Variants in ARHGEF12 observed in about 807,000 individuals in gnomAD.
ARHGEF12 encodes the protein Rho guanine nucleotide exchange factor 12.
In ARHGEF12, 66 loss-of-function variants were observed where a neutral mutation model predicts 211.2. The ratio of observed to expected loss-of-function variants is 0.31; its 90% CI spans 0.26 to 0.38. ARHGEF12 has a LOEUF of 0.38. Among genes scored for constraint, ARHGEF12 ranks in the 10% least tolerant of loss-of-function variants. The pLI is 1.00. For synonymous variants in ARHGEF12, 592 were observed against 638.4 expected, an observed-to-expected ratio of 0.93 and a Z score of 1.09; for missense variants, 1,429 against 1,869.5, an observed-to-expected ratio of 0.76 and a Z score of 4.34.
chr11:120,420,051 AAC>A (rs142754572), intron 4 of ARHGEF12, among the ~76,000 whole-genome samples: 4,170 of 152,282 alleles, frequency 0.027, 101 homozygotes, highest in Non-Finnish European at 0.032. Context: ...GTTTAGAAGA[AAC>A]ACAAATTCTC....
At chr11:120,381,365 C>T (rs1348135363) in intron 1 of ARHGEF12, among the ~76,000 whole-genome samples, 1 of 152,140 alleles carries the variant, frequency 6.6e-6, no homozygotes, top group Non-Finnish European at 1.5e-5. Flanking sequence ...AAACCTGGCT[C>T]CAGCCACCCC....
At chr11:120,399,380 A>C (rs1313310717) in intron 1 of ARHGEF12, among the ~76,000 whole-genome samples, 2 of 145,298 alleles carry the variant, frequency 1.4e-5, no homozygotes, top group African/African-American at 5.0e-5. Context: ...ATCTATGTCT[A>C]GTTAATTCGA....
At chr11:120,451,769 AAAAC>A in intron 22 of ARHGEF12, 45 bp downstream of exon 22, 1 of 1,543,724 alleles carries the variant, frequency 6.5e-7, no homozygotes, top group Non-Finnish European at 8.9e-7. Context: ...TCAAGATTTT[AAAAC>A]AAACACACTA....
At chr11:120,369,737 G>T (rs1943536129) in intron 1 of ARHGEF12, among the ~76,000 whole-genome samples, 1 of 152,200 alleles carries the variant, frequency 6.6e-6, no homozygotes, top group African/African-American at 2.4e-5. Context: ...CAATGTAGCT[G>T]CAACATCTGA....
intron 1 of ARHGEF12, among the ~76,000 whole-genome samples, chr11:120,340,655 T>C (rs1435764950): frequency 6.6e-6 from 1 of 152,206 alleles, no homozygotes; most frequent in African/African-American, 2.4e-5. Context: ...CAACGTTGCA[T>C]GAGTCATCTC....
chr11:120,379,627 T>G (rs1943824024), intron 1 of ARHGEF12, among the ~76,000 whole-genome samples: 1 of 152,104 alleles, frequency 6.6e-6, no homozygotes, highest in African/African-American at 2.4e-5. Flanking sequence ...GCTGTTTCTG[T>G]ATCTGTTTAG....
Position 120,477,692 on chromosome 11 carries a change from C to G in ARHGEF12, c.3532+166C>G, listed in dbSNP as rs576911661. The G allele has an allele frequency of 1.0e-4, 58 of 553,938 alleles. No homozygotes were observed. The African/African-American group carries it at 1.1e-3, about 10-fold the overall frequency. 34.3% of individuals were successfully genotyped at this position (553,938 alleles called of 1,614,324 possible). A position where few individuals can be genotyped will look rare whatever the true frequency, so the allele number is the denominator to read the frequency against. On this transcript the variant is annotated intron_variant, in intron 36 of 40. Coordinates refer to ENST00000397843, the MANE Select transcript of ARHGEF12 (RefSeq NM_015313.3). The stretch of plus-strand genomic sequence containing the variant: ...CCAACCTGACCAACATGACAAAACC[C>G]TGTCTCTACTAAAAAATACAAAAAT...
chr11:120,339,227 T>A (rs1942456524), intron 1 of ARHGEF12, among the ~76,000 whole-genome samples: 1 of 151,830 alleles, frequency 6.6e-6, no homozygotes, highest in Non-Finnish European at 1.5e-5. Flanking sequence ...TTTACTAGGG[T>A]CTTTTTTTAT....
intron 28 of ARHGEF12, among the ~76,000 whole-genome samples, chr11:120,466,487 G>T (rs1946709339): frequency 6.6e-6 from 1 of 152,154 alleles, no homozygotes; most frequent in African/African-American, 2.4e-5. Context: ...CCTTTCTTAT[G>T]ATCTCAAAAT....
At chr11:120,439,071 T>G (rs1945786567) in intron 12 of ARHGEF12, 1 of 152,240 alleles carries the variant, frequency 6.6e-6, no homozygotes, top group Non-Finnish European at 1.5e-5. Flanking sequence ...CAGGCTGGTT[T>G]CAAACTCCTG....
At position 120,339,102 on chromosome 11, in the gene ARHGEF12, G is replaced by A. The variant is rs138707823; in HGVS notation, c.32+1827G>A. On this transcript the variant is annotated intron_variant, in intron 1 of 40. Coordinates refer to ENST00000397843, the MANE Select transcript of ARHGEF12 (RefSeq NM_015313.3). Reference sequence around the variant, plus strand: ...TCTGCAAATTGGTTTGGGCATTAATGTTTTTTGAACTGGTTCAGGTGCTGC... The same window carrying A: ...TCTGCAAATTGGTTTGGGCATTAATATTTTTTGAACTGGTTCAGGTGCTGC... Among the ~76,000 whole-genome samples the A allele has an allele frequency of 5.0e-5, 7 of 138,886 alleles. No homozygotes were observed. The East Asian group carries it at 1.1e-3, about 21-fold the overall frequency. 91.1% of individuals were successfully genotyped at this position (138,886 alleles called of 152,430 possible). A position where few individuals can be genotyped will look rare whatever the true frequency, so the allele number is the denominator to read the frequency against.
chr11:120,406,239 A>T, intron 2 of ARHGEF12, 98 bp downstream of exon 2: 1 of 773,804 alleles, frequency 1.3e-6, no homozygotes, highest in Non-Finnish European at 1.9e-6. Context: ...GTTTTTGAGA[A>T]TGTGTATTCA....
chr11:120,344,191 G>A (rs765621322), intron 1 of ARHGEF12, among the ~76,000 whole-genome samples: 24 of 141,868 alleles, frequency 1.7e-4, no homozygotes, highest in Non-Finnish European at 2.9e-4. Flanking sequence ...ACTTGAACCC[G>A]GGAGGCGGAG....
chr11:120,382,964 C>A (rs1192783259), intron 1 of ARHGEF12, among the ~76,000 whole-genome samples: 2 of 152,098 alleles, frequency 1.3e-5, no homozygotes, highest in Admixed American at 1.3e-4. Flanking sequence ...ATGGTGAAAC[C>A]CCATTTCTAC....
chr11:120,404,443 T>C (rs754750413), intron 1 of ARHGEF12, among the ~76,000 whole-genome samples: 2 of 152,218 alleles, frequency 1.3e-5, no homozygotes, highest in Non-Finnish European at 2.9e-5. Context: ...GAAAAAATTA[T>C]GATTTTAATA....
At chr11:120,411,760 G>A (rs1273408461) in intron 4 of ARHGEF12, 1 of 146,404 alleles carries the variant, frequency 6.8e-6, no homozygotes, top group East Asian at 2.0e-4. Context: ...CAGCTGTTTT[G>A]TTTGTTTGTT....
chr11:120,478,538 G>A (rs2135994956), intron 37 of ARHGEF12, 149 bp downstream of exon 37: 6 of 732,304 alleles, frequency 8.2e-6, no homozygotes, highest in Non-Finnish European at 1.3e-5. Flanking sequence ...CATGCCACAG[G>A]CACACACACA....
At chr11:120,365,311 T>C (rs1450859420) in intron 1 of ARHGEF12, among the ~76,000 whole-genome samples, 1 of 152,104 alleles carries the variant, frequency 6.6e-6, no homozygotes, top group Non-Finnish European at 1.5e-5. Flanking sequence ...AGCTGATAGA[T>C]GATTGGAAGG....
At chr11:120,351,872 T>A (rs187083349) in intron 1 of ARHGEF12, among the ~76,000 whole-genome samples, 1 of 152,118 alleles carries the variant, frequency 6.6e-6, no homozygotes, top group Admixed American at 6.5e-5. Context: ...AATACTGTTG[T>A]CCCTGTTTTA....
Sources: allele counts gnomAD v4.1 joint callset (sites outside exome capture counted in the v4.1 genomes callset), GRCh38; gene constraint gnomAD v4.1.1; transcripts MANE v1.5; gene names NCBI Gene and HGNC (gene_info 2026-07-23, HGNC 2026-07-21).